HIPK2: variants seen among roughly 807,000 people sequenced by gnomAD.
HIPK2 encodes the protein homeodomain interacting protein kinase 2, also known as homeodomain-interacting protein kinase 2.
In HIPK2, 27 loss-of-function variants were observed where a neutral mutation model predicts 113.7. That is an observed-to-expected ratio of 0.24 (90% CI 0.17 to 0.33). HIPK2 has a LOEUF of 0.33. Ranked by LOEUF, HIPK2 falls within the 10% of genes least tolerant of loss-of-function variation. HIPK2 has a pLI of 1.00. For missense variants in HIPK2, 1,257 were observed against 1,588.0 expected (o/e 0.79, Z 3.54); for synonymous variants, 631 against 642.2 (o/e 0.98, Z 0.26).
chr7:139,702,606 T>C (rs1270700388), intron 2 of HIPK2, among the ~76,000 whole-genome samples: 2 of 152,002 alleles, frequency 1.3e-5, no homozygotes, highest in African/African-American at 4.8e-5. Flanking sequence ...GGAGGGAGGG[T>C]TGCCACAGGG....
intron 1 of HIPK2, among the ~76,000 whole-genome samples, chr7:139,719,753 C>T (rs115491120): frequency 9.9e-4 from 151 of 152,316 alleles, no homozygotes; most frequent in African/African-American, 3.6e-3. Context: ...TTATTAATTT[C>T]TCCTTCCTTC....
chr7:139,726,724 G>A (rs1469385506), intron 1 of HIPK2, among the ~76,000 whole-genome samples: 1 of 152,208 alleles, frequency 6.6e-6, no homozygotes, highest in African/African-American at 2.4e-5. Context: ...GAAATCAATA[G>A]GATGGGCTGG....
chr7:139,736,078 C>T (rs905749071), intron 1 of HIPK2, among the ~76,000 whole-genome samples: 6 of 151,930 alleles, frequency 3.9e-5, no homozygotes, highest in African/African-American at 1.5e-4. Context: ...CAGGAGGTGG[C>T]TGAGAGGGGA....
chr7:139,774,690 TAA>T (rs1796709730), intron 1 of HIPK2, among the ~76,000 whole-genome samples: 1 of 152,112 alleles, frequency 6.6e-6, no homozygotes, highest in African/African-American at 2.4e-5. Context: ...GAGGAAAACA[TAA>T]ATAACTTGGA....
intron 2 of HIPK2, among the ~76,000 whole-genome samples, chr7:139,642,406 T>C (rs1801057287): frequency 6.6e-6 from 1 of 151,328 alleles, no homozygotes; most frequent in Non-Finnish European, 1.5e-5. Flanking sequence ...GAGCCAGAGG[T>C]AAGAGAGAGC....
intron 1 of HIPK2, among the ~76,000 whole-genome samples, chr7:139,755,050 G>T (rs951220074): frequency 6.6e-6 from 1 of 152,156 alleles, no homozygotes; most frequent in African/African-American, 2.4e-5. Context: ...TTCCAGCATG[G>T]GGGGGATGCA....
chr7:139,720,089 C>T (rs10268753), intron 1 of HIPK2, among the ~76,000 whole-genome samples: 21,996 of 152,186 alleles, frequency 0.14, 1,612 homozygotes, highest in Non-Finnish European at 0.16. Context: ...TTGAATGAAG[C>T]TGGTCTATTC....
intron 1 of HIPK2, among the ~76,000 whole-genome samples, chr7:139,749,251 G>A (rs1420092761): frequency 2.6e-5 from 4 of 152,228 alleles, no homozygotes; most frequent in African/African-American, 7.2e-5. Context: ...CTCATCAGAC[G>A]TGATTGTCAT....
intron 1 of HIPK2, among the ~76,000 whole-genome samples, chr7:139,734,595 T>G (rs1795886673): frequency 6.6e-6 from 1 of 152,168 alleles, no homozygotes; most frequent in Non-Finnish European, 1.5e-5. Context: ...TAAAGAATAT[T>G]TAAGTTCTGA....
At chr7:139,739,588 A>G (rs1361582651) in intron 1 of HIPK2, among the ~76,000 whole-genome samples, 9 of 150,654 alleles carry the variant, frequency 6.0e-5, no homozygotes, top group African/African-American at 2.2e-4. Context: ...CCCTCTCCAA[A>G]AAAAAAAAAA....
At chr7:139,746,912 A>C (rs1323731319) in intron 1 of HIPK2, among the ~76,000 whole-genome samples, 1 of 152,072 alleles carries the variant, frequency 6.6e-6, no homozygotes, top group African/African-American at 2.4e-5. Context: ...TCGGGGTTAG[A>C]GATATTATAA....
chr7:139,663,139 C>T (rs977772356), intron 2 of HIPK2, among the ~76,000 whole-genome samples: 1 of 152,178 alleles, frequency 6.6e-6, no homozygotes, highest in Admixed American at 6.5e-5. Flanking sequence ...TGCATCCTGC[C>T]CTTCTCATGC....
chr7:139,591,406 G>A (rs1799018707), intron 12 of HIPK2, among the ~76,000 whole-genome samples: 1 of 152,072 alleles, frequency 6.6e-6, no homozygotes, highest in African/African-American at 2.4e-5. Flanking sequence ...TGGGAGTTTT[G>A]ACTCATCTTT....
chr7:139,584,665 C>A (rs747946437), intron 12 of HIPK2, among the ~76,000 whole-genome samples: 4 of 152,346 alleles, frequency 2.6e-5, no homozygotes, highest in Middle Eastern at 3.4e-3. Flanking sequence ...AGAGTTGACA[C>A]CCTCTGCCTC....
chr7:139,700,254 C>A (rs1340726378), intron 2 of HIPK2, among the ~76,000 whole-genome samples: 2 of 152,116 alleles, frequency 1.3e-5, no homozygotes, highest in African/African-American at 4.8e-5. Context: ...ACCCTCAACA[C>A]GCCTGCTTTC....
At chr7:139,594,474 C>A (rs1799129542) in intron 12 of HIPK2, among the ~76,000 whole-genome samples, 1 of 151,774 alleles carries the variant, frequency 6.6e-6, no homozygotes, top group Non-Finnish European at 1.5e-5. Context: ...TTTTCTGATC[C>A]CAAAATGTAG....
intron 1 of HIPK2, among the ~76,000 whole-genome samples, chr7:139,722,460 G>A (rs1178569130): frequency 1.3e-5 from 2 of 152,130 alleles, no homozygotes; most frequent in African/African-American, 2.4e-5. Context: ...TTTATAAAAA[G>A]CATGTATGCA....
At position 139,565,601 on chromosome 7, in the gene HIPK2, G is replaced by A. The variant is rs550306178; in HGVS notation, c.*7326C>T. ...CTTCCTTTTATCATGAAAGCTGGCT[G>A]GTTTTCCTGTTTATACAATTGTTGC... is the stretch of plus-strand genomic sequence containing the variant. On this transcript the variant is annotated 3_prime_UTR_variant, in exon 15 of 15. Coordinates refer to ENST00000406875, the MANE Select transcript of HIPK2 (RefSeq NM_022740.5). The A allele has an allele frequency of 1.3e-5, 2 of 152,040 alleles. No homozygotes were observed. Among genetic ancestry groups the A allele is most frequent in the African/African-American group, 4.8e-5 (2 of 41,396 alleles). 9.4% of individuals were successfully genotyped at this position (152,040 alleles called of 1,614,324 possible).
At chr7:139,748,945 A>G (rs141288472) in intron 1 of HIPK2, among the ~76,000 whole-genome samples, 204 of 152,320 alleles carry the variant, frequency 1.3e-3, no homozygotes, top group African/African-American at 4.6e-3. Context: ...GGCAGAAGCT[A>G]ACACCACATG....
Sources: allele counts gnomAD v4.1 joint callset (sites outside exome capture counted in the v4.1 genomes callset), GRCh38; gene constraint gnomAD v4.1.1; transcripts MANE v1.5; gene names NCBI Gene and HGNC (gene_info 2026-07-23, HGNC 2026-07-21).